CNTN4: variants seen among roughly 807,000 people sequenced by gnomAD.
CNTN4 encodes the protein contactin-4.
In CNTN4, 77 loss-of-function variants were observed where a neutral mutation model predicts 122.5. The observed-to-expected ratio is 0.63, with a 90% CI of 0.52 to 0.76. The LOEUF (loss-of-function observed/expected upper bound fraction) is 0.76, where lower values mean the gene tolerates loss of function less well. CNTN4 is among the 30% of genes least tolerant of loss of function. The pLI, the probability that CNTN4 is intolerant of heterozygous loss-of-function variation, is 0.00. For missense variants in CNTN4, 1,256 were observed against 1,259.1 expected (o/e 1.00, Z 0.04); for synonymous variants, 512 against 447.0 (o/e 1.15, Z -1.83).
intron 4 of CNTN4, among the ~76,000 whole-genome samples, chr3:2,608,290 A>G (rs1348355398): frequency 1.3e-5 from 2 of 152,176 alleles, no homozygotes. Context: ...CTTGAATTGA[A>G]CACTGTTAAT....
At chr3:2,176,966 A>G (rs1004942515) in intron 2 of CNTN4, among the ~76,000 whole-genome samples, 10 of 152,270 alleles carry the variant, frequency 6.6e-5, no homozygotes, top group African/African-American at 1.7e-4. Context: ...AAGAAAACCT[A>G]TAGACACATG....
At position 2,616,158 on chromosome 3, in the gene CNTN4, C is replaced by T. The variant is rs1341173143; in HGVS notation, c.55+44600C>T. Among the ~76,000 whole-genome samples the T allele has an allele frequency of 2.0e-5, 3 of 151,994 alleles. No individual in the cohort carries two copies. In the East Asian group the frequency reaches 5.8e-4, roughly 30 times the overall value. On this transcript the variant is annotated intron_variant, in intron 4 of 24. Transcript: ENST00000418658. ...CTGCCCTCCCCTAACCCCCCATCCC[C>T]CCAACAGGCCCAGTGTGTGTTGTTC...
intron 19 of CNTN4, 124 bp from the exon 20 acceptor site, chr3:3,039,910 TAAC>T (rs1322872315): frequency 2.7e-6 from 2 of 736,254 alleles, no homozygotes; most frequent in Non-Finnish European, 4.9e-6. Flanking sequence ...AAAAGACTGT[TAAC>T]AAAACGCCAA....
At chr3:2,993,798 C>A (rs548665053) in intron 14 of CNTN4, among the ~76,000 whole-genome samples, 1 of 152,184 alleles carries the variant, frequency 6.6e-6, no homozygotes, top group Admixed American at 6.5e-5. Flanking sequence ...TCTTGTACCC[C>A]TGCTGATCTT....
chr3:2,241,686 C>G (rs1291539751), intron 2 of CNTN4, among the ~76,000 whole-genome samples: 1 of 152,190 alleles, frequency 6.6e-6, no homozygotes, highest in Non-Finnish European at 1.5e-5. Flanking sequence ...AACACATTCT[C>G]TCTGTATCTG....
chr3:2,175,204 A>G (rs2036697278), intron 2 of CNTN4, among the ~76,000 whole-genome samples: 1 of 152,178 alleles, frequency 6.6e-6, no homozygotes, highest in Admixed American at 6.5e-5. Context: ...CTATTTTAGG[A>G]AACTTGCAAA....
chr3:2,989,617 T>C (rs560806866), intron 14 of CNTN4, among the ~76,000 whole-genome samples: 2 of 152,210 alleles, frequency 1.3e-5, no homozygotes, highest in South Asian at 4.1e-4. Flanking sequence ...AGATAGAAAA[T>C]TGGAAGTCCA....
intron 13 of CNTN4, among the ~76,000 whole-genome samples, chr3:2,936,631 G>A (rs2094569590): frequency 6.6e-6 from 1 of 152,004 alleles, no homozygotes; most frequent in South Asian, 2.1e-4. Context: ...TTCTTCAAAT[G>A]GCTTCTTCTT....
chr3:2,441,396 C>T (rs2048433789), intron 3 of CNTN4, among the ~76,000 whole-genome samples: 1 of 152,142 alleles, frequency 6.6e-6, no homozygotes, highest in Non-Finnish European at 1.5e-5. Flanking sequence ...CATTGCTTAC[C>T]ATAGGACCCA....
At chr3:2,783,938 G>A (rs911726058) in intron 6 of CNTN4, among the ~76,000 whole-genome samples, 1 of 152,188 alleles carries the variant, frequency 6.6e-6, no homozygotes, top group South Asian at 2.1e-4. Context: ...AAGGTGCCAT[G>A]CATAATTCCC....
At chr3:2,268,285 A>G (rs772238407) in intron 2 of CNTN4, among the ~76,000 whole-genome samples, 9 of 151,978 alleles carry the variant, frequency 5.9e-5, no homozygotes, top group Admixed American at 3.9e-4. Flanking sequence ...GCAAGCCTAT[A>G]TGTTATTATG....
chr3:2,869,397 C>T (rs577465353), intron 8 of CNTN4, among the ~76,000 whole-genome samples: 2 of 152,204 alleles, frequency 1.3e-5, no homozygotes, highest in Admixed American at 6.5e-5. Flanking sequence ...GCTGCGAGAA[C>T]CTGATCATTC....
rs192507809 is a variant in CNTN4 at position 2,445,508 on chromosome 3, G to A, written c.-89+106275G>A. Among the ~76,000 whole-genome samples the A allele has an allele frequency of 2.9e-3, 446 of 152,114 alleles. 1 individual carries two copies. Among genetic ancestry groups the A allele is most frequent in the African/African-American group, 0.01 (426 of 41,506 alleles). ...ATTTAGATCTATAGACTATCTTGCC[G>A]CTTGAAAAACATTTTATATTGCTAA... On this transcript the variant is annotated intron_variant, in intron 3 of 24. Transcript: ENST00000418658.
At chr3:2,332,768 A>T (rs916163612) in intron 2 of CNTN4, among the ~76,000 whole-genome samples, 1 of 150,744 alleles carries the variant, frequency 6.6e-6, no homozygotes, top group Non-Finnish European at 1.5e-5. Context: ...TAGGAGATAT[A>T]CCTAATGCTA....
intron 17 of CNTN4, among the ~76,000 whole-genome samples, chr3:3,035,702 G>C (rs909128728): frequency 6.6e-6 from 1 of 152,038 alleles, no homozygotes; most frequent in South Asian, 2.1e-4. Context: ...GACCACAGGC[G>C]CAGGCCCCCA....
At position 2,841,746 on chromosome 3, in the gene CNTN4, C is replaced by T. The variant is rs1242564140; in HGVS notation, c.454+22165C>T. Among the ~76,000 whole-genome samples the T allele has an allele frequency of 6.6e-6, 1 of 152,236 alleles. No individual in the cohort carries two copies. On this transcript the variant is annotated intron_variant, in intron 7 of 24. Coordinates refer to ENST00000418658, the MANE Select transcript of CNTN4 (RefSeq NM_175607.3). The surrounding 1 kb of genome is among the most constrained non-coding windows in gnomAD (Gnocchi z 4.8). ...GAAGTTATTAAAAATATGTTTCACT[C>T]ATGATAACATGATCATTTTCAGGAA...
chr3:2,459,102 C>G (rs1389057390), intron 3 of CNTN4, among the ~76,000 whole-genome samples: 1 of 152,124 alleles, frequency 6.6e-6, no homozygotes, highest in Non-Finnish European at 1.5e-5. Flanking sequence ...ATTATAGACA[C>G]TTAATACCTA....
At chr3:2,473,915 G>A (rs1401564807) in intron 3 of CNTN4, among the ~76,000 whole-genome samples, 1 of 152,054 alleles carries the variant, frequency 6.6e-6, no homozygotes, top group African/African-American at 2.4e-5. Flanking sequence ...GGGAGGCTGA[G>A]GCAGGAGAAT....
intron 2 of CNTN4, among the ~76,000 whole-genome samples, chr3:2,271,619 G>A (rs2041301899): frequency 6.6e-6 from 1 of 151,974 alleles, no homozygotes; most frequent in South Asian, 2.1e-4. Context: ...TATATAAATA[G>A]CCAAGAAAAC....
Sources: gnomAD v4.1 joint callset for allele counts (sites outside exome capture counted in the v4.1 genomes callset) on GRCh38, gnomAD v4.1.1 for gene constraint, Gnocchi (gnomAD v3.1) non-coding constraint, MANE v1.5 for transcripts, NCBI Gene and HGNC (gene_info 2026-07-23, HGNC 2026-07-21) for gene names.